Variants in PLXNB2 observed in about 807,000 individuals in gnomAD.
PLXNB2 encodes plexin-B2.
A neutral mutation model predicts 202.6 loss-of-function variants in PLXNB2; 85 were observed. The observed-to-expected ratio is 0.42, with a 90% confidence interval of 0.35 to 0.50. PLXNB2 has a LOEUF of 0.50. Among genes scored for constraint, PLXNB2 ranks in the 20% least tolerant of loss-of-function variants. The pLI is 0.02. For synonymous variants in PLXNB2, 1,239 were observed against 1,137.6 expected (o/e 1.09, Z -1.79); for missense variants, 2,063 against 2,586.2 (o/e 0.80, Z 4.39).
At chr22:50,305,956 C>T (rs1407012350) in intron 1 of PLXNB2, among the ~76,000 whole-genome samples, 3 of 152,190 alleles carry the variant, frequency 2.0e-5, no homozygotes, top group African/African-American at 4.8e-5. Flanking sequence ...ATCTTCTCCC[C>T]GCCCAGTCTG....
At chr22:50,275,859 C>A in intron 36 of PLXNB2, 30 bp downstream of exon 36, 2 of 1,606,876 alleles carry the variant, frequency 1.2e-6, no homozygotes, top group Non-Finnish European at 1.7e-6. Flanking sequence ...AGCACCCCAC[C>A]TGCCCCCGCC....
rs551050919 is a variant in PLXNB2 at position 50,284,160 on chromosome 22, G to A, written c.2235C>T (p.Tyr745=). 140 of 1,609,974 alleles carry A rather than the reference G, an allele frequency of 8.7e-5. 1 individual carries two copies. The highest frequency in any genetic ancestry group is 2.7e-4 in the African/African-American group (20 of 74,538). Residue 745 remains tyrosine, a synonymous_variant, in exon 13 of 37, where the codon TAC becomes TAT. Transcript: ENST00000359337. This position sits in a 1 kb window ranked among gnomAD's most constrained non-coding sequence, Gnocchi z 8.0. ...TLPLHLYVKS[Y]GKNIDSKLHV... ...GGAGCTTGCTGTCGATATTCTTGCC[G>A]TAAGACTTGACGTAGAGGTGCAGGG...
In PLXNB2 at chr22:50,289,444, C is replaced by A; in HGVS notation, c.1068+73G>T. Reference sequence around the variant, plus strand: ...CACTGCTCACGTGCACCCTCCCCAGCAGGCTGGGACACGCAAACCCACGAA... The same window carrying A: ...CACTGCTCACGTGCACCCTCCCCAGAAGGCTGGGACACGCAAACCCACGAA... On this transcript the variant is annotated intron_variant, in intron 3 of 36. Transcript: ENST00000359337. This position sits in a 1 kb window ranked among gnomAD's most constrained non-coding sequence, Gnocchi z 8.0. 4 of 1,482,264 alleles carry A rather than the reference C, an allele frequency of 2.7e-6. No individual in the cohort carries two copies. The highest frequency in any genetic ancestry group is 2.2e-5 in the Admixed American group (1 of 45,160). The allele number at this position is 1,482,264 out of a possible 1,614,324, so 91.8% of individuals were successfully genotyped here. A position where few individuals can be genotyped will look rare whatever the true frequency, so the allele number is the denominator to read the frequency against.
intron 2 of PLXNB2, among the ~76,000 whole-genome samples, chr22:50,294,221 C>T (rs1165232982): frequency 6.6e-6 from 1 of 152,268 alleles, no homozygotes; most frequent in Non-Finnish European, 1.5e-5. Flanking sequence ...CGGGGATTTC[C>T]TCGGGCCCTC....
Position 50,289,810 on chromosome 22 carries a change from A to G in PLXNB2, c.775T>C (p.Tyr259His). 1.2e-6 allele frequency: 2 copies of G among 1,613,216 alleles called. No individual in the cohort carries two copies. Among genetic ancestry groups the G allele is most frequent in the Non-Finnish European group, 1.7e-6 (2 of 1,180,016 alleles). ...MCREDPNYYS[Y>H]LEMDLQCRDP... is the part of the protein sequence containing the mutation. Reference sequence around the variant, plus strand: ...CGGCACTGCAGGTCCATCTCCAGGTAGGAGTAGTAGTTGGGGTCTTCTCTG... The same window carrying G: ...CGGCACTGCAGGTCCATCTCCAGGTGGGAGTAGTAGTTGGGGTCTTCTCTG... The change falls in exon 3 of 37, where the codon TAC becomes CAC. Residue 259 changes from tyrosine to histidine, a missense_variant. Tyr to His is a moderately conservative substitution (Grantham distance 83). This residue lies in a region of PLXNB2 where 1,303 missense variants were observed against 1,476.8 expected (regional missense o/e 0.88). Transcript: ENST00000359337. The surrounding 1 kb of genome is among the most constrained non-coding windows in gnomAD (Gnocchi z 8.0).
intron 36 of PLXNB2, 27 bp from the exon 37 acceptor site, chr22:50,275,835 C>T (rs752565989): frequency 6.2e-7 from 1 of 1,607,840 alleles, no homozygotes; most frequent in Non-Finnish European, 8.5e-7. Flanking sequence ...TCAGAGCACA[C>T]CGGGGGACCG....
In PLXNB2 at chr22:50,290,254, C is replaced by T; in HGVS notation, c.331G>A (p.Glu111Lys). ...ATGCCCTTGAAGAGGCTGCCGCACTCCACCAGGCGCTTCCTGGGAGGGTCG... is the reference window on the plus strand; with the variant it reads ...ATGCCCTTGAAGAGGCTGCCGCACTTCACCAGGCGCTTCCTGGGAGGGTCG... ...LLDPPRKRLV[E>K]CGSLFKGICA... Residue 111 changes from glutamate (E) to lysine (K), a missense_variant, in exon 3 of 37, where the codon GAG (glutamate) becomes AAG (lysine). Transcript: ENST00000359337. 2 of 1,611,890 alleles carry T rather than the reference C, an allele frequency of 1.2e-6. No individual in the cohort carries two copies. The highest frequency in any genetic ancestry group is 1.7e-6 in the Non-Finnish European group (2 of 1,180,020).
intron 1 of PLXNB2, among the ~76,000 whole-genome samples, chr22:50,298,151 G>C (rs934017213): frequency 6.6e-6 from 1 of 152,228 alleles, no homozygotes; most frequent in Non-Finnish European, 1.5e-5. Flanking sequence ...GCCGGGAAGG[G>C]GTGGTGACAT....
At chr22:50,281,311 G>A (rs577118202) in intron 22 of PLXNB2, 49 bp downstream of exon 22, 24 of 1,601,436 alleles carry the variant, frequency 1.5e-5, no homozygotes, top group Middle Eastern at 1.7e-4. Context: ...GGGCCGAGGC[G>A]GGAGGGCCGA....
At chr22:50,280,187 G>A (rs1048168828) in intron 25 of PLXNB2, 116 bp from the exon 26 acceptor site, 13 of 810,098 alleles carry the variant, frequency 1.6e-5, no homozygotes, top group Non-Finnish European at 2.3e-5. Context: ...CAGCCTGGGT[G>A]TGGCCTGCAG....
chr22:50,287,778 G>A lies in PLXNB2; in HGVS notation c.1497C>T (p.Ala499=), dbSNP rs368901865. Residue 499 remains alanine (A), a synonymous_variant, in exon 7 of 37, where the codon GCC becomes GCT. Coordinates refer to ENST00000359337, the MANE Select transcript of PLXNB2 (RefSeq NM_012401.4). ...CVVEGRCTRK[A]ECPRAEEASH... ...TGGCCTCCTCGGCCCGCGGACACTC[G>A]GCCTTCCGGGTGCATCTGCAGGCGC... is the stretch of plus-strand genomic sequence containing the variant. 506 of 1,586,342 alleles carry A rather than the reference G, an allele frequency of 3.2e-4. 1 individual carries two copies. The highest frequency in any genetic ancestry group is 1.8e-3 in the African/African-American group (132 of 74,796).
intron 31 of PLXNB2, 35 bp downstream of exon 31, chr22:50,278,082 G>A (rs376279388): frequency 4.4e-5 from 70 of 1,603,192 alleles, no homozygotes; most frequent in Middle Eastern, 1.7e-4. Flanking sequence ...TCAGCGTGGC[G>A]GCCTGGTGCC....
Position 50,282,889 on chromosome 22 carries a change from A to C in PLXNB2, c.2817-8T>G, listed in dbSNP as rs2066117418. On this transcript the variant is annotated splice_region_variant and splice_polypyrimidine_tract_variant and intron_variant, in intron 17 of 36. Coordinates refer to ENST00000359337, the MANE Select transcript of PLXNB2 (RefSeq NM_012401.4). ...TGCGCCCCAAACTTCGTCCTGGGGG[A>C]GGGAGGGTGCTGGTCTGCATCAACC... 1 of 1,604,662 alleles carries C rather than the reference A, an allele frequency of 6.2e-7. No individual in the cohort carries two copies. Among genetic ancestry groups the C allele is most frequent in the South Asian group, 1.1e-5 (1 of 90,200 alleles).
chr22:50,275,381 G>T lies in PLXNB2; in HGVS notation c.*323C>A. 2.1e-6 allele frequency: 1 copy of T among 483,210 alleles called. No homozygotes were observed. Among genetic ancestry groups the T allele is most frequent in the Non-Finnish European group, 4.1e-6 (1 of 245,810 alleles). 29.9% of individuals were successfully genotyped at this position (483,210 alleles called of 1,614,324 possible). On this transcript the variant is annotated 3_prime_UTR_variant, in exon 37 of 37. Coordinates refer to ENST00000359337, the MANE Select transcript of PLXNB2 (RefSeq NM_012401.4). Reference sequence around the variant, plus strand: ...GGAGGCGGCTGCTGGTGCGTGGGCGGAGGCGGAGGCCAGCTGCCCCCAGCG... The same window carrying T: ...GGAGGCGGCTGCTGGTGCGTGGGCGTAGGCGGAGGCCAGCTGCCCCCAGCG...
At chr22:50,276,057 CG>C in intron 35 of PLXNB2, 94 bp from the exon 36 acceptor site, 1 of 1,241,642 alleles carries the variant, frequency 8.1e-7, no homozygotes. Context: ...GAGGCCTCCC[CG>C]GGGAAGCAGC....
chr22:50,294,604 T>C (rs771058227), intron 2 of PLXNB2, 115 bp downstream of exon 2: 28 of 298,210 alleles, frequency 9.4e-5, no homozygotes, highest in Non-Finnish European at 1.2e-4. Context: ...ACAGGTACGG[T>C]TGAAACCTGG....
Position 50,278,276 on chromosome 22 carries a change from G to A in PLXNB2, c.4733-5C>T. On this transcript the variant is annotated splice_polypyrimidine_tract_variant and splice_region_variant and intron_variant, in intron 30 of 36. Transcript: ENST00000359337. ...CCTCCTCCAGGAGGGCATGGCCTGT[G>A]GGGAGCGGGCACTGAGGGACCCCTA... 6.2e-7 allele frequency: 1 copy of A among 1,610,612 alleles called. No homozygotes were observed. The highest frequency in any genetic ancestry group is 8.5e-7 in the Non-Finnish European group (1 of 1,179,734).
rs373347520 is a variant in PLXNB2 at position 50,283,430 on chromosome 22, G to A, written c.2586C>T (p.Ile862=). Reference sequence around the variant, plus strand: ...CCGTGAAAGGCGTCTCCGCAGCCTCGATCACACACACGATCCTGGCGGGCG... The same window carrying A: ...CCGTGAAAGGCGTCTCCGCAGCCTCAATCACACACACGATCCTGGCGGGCG... ...YSVSTRIVCV[I]EAAETPFTGG... Residue 862 remains isoleucine (I), a synonymous_variant, in exon 16 of 37, where the codon ATC becomes ATT. Coordinates refer to ENST00000359337, the MANE Select transcript of PLXNB2 (RefSeq NM_012401.4). The A allele has an allele frequency of 1.9e-5, 30 of 1,612,836 alleles. No homozygotes were observed. The highest frequency in any genetic ancestry group is 5.3e-5 in the African/African-American group (4 of 74,834).
chr22:50,293,389 C>T (rs1019423422), intron 2 of PLXNB2, among the ~76,000 whole-genome samples: 45 of 152,316 alleles, frequency 3.0e-4, no homozygotes, highest in African/African-American at 1.1e-3. Flanking sequence ...CCACAGCCAC[C>T]CGGGGGCAGG....
Sources: allele counts gnomAD v4.1 joint callset (sites outside exome capture counted in the v4.1 genomes callset), GRCh38; gene constraint gnomAD v4.1.1; regional missense constraint gnomAD v4.1.1; non-coding constraint Gnocchi (gnomAD v3.1); transcripts MANE v1.5; gene names NCBI Gene and HGNC (gene_info 2026-07-23, HGNC 2026-07-21).